The following RAB40C variants were observed in gnomAD, a reference collection of about 807,000 sequenced individuals.
RAB40C encodes RAB40C, member RAS oncogene family.
A neutral mutation model predicts 28.1 loss-of-function variants in RAB40C; 8 were observed. The observed-to-expected ratio is 0.28, with a 90% CI of 0.17 to 0.51. The LOEUF is 0.51. Among genes scored for constraint, RAB40C ranks in the 20% least tolerant of loss-of-function variants. The pLI is 0.97. For missense variants in RAB40C, 288 were observed against 405.9 expected (o/e 0.71, Z 2.50); for synonymous variants, 201 against 171.7 (o/e 1.17, Z -1.34).
intron 1 of RAB40C, among the ~76,000 whole-genome samples, chr16:599,420 C>G (rs2036202642): frequency 6.6e-6 from 1 of 152,240 alleles, no homozygotes; most frequent in Admixed American, 6.5e-5. Context: ...CCAGCAGGAC[C>G]CACTTCACCA....
At chr16:592,759 G>T (rs1340775843) in intron 1 of RAB40C, among the ~76,000 whole-genome samples, 1 of 152,258 alleles carries the variant, frequency 6.6e-6, no homozygotes, top group African/African-American at 2.4e-5. Flanking sequence ...GGACATGAAG[G>T]CGTGCTTCTG....
At chr16:622,788 G>A (rs1261235554) in intron 3 of RAB40C, among the ~76,000 whole-genome samples, 2 of 152,242 alleles carry the variant, frequency 1.3e-5, no homozygotes, top group Admixed American at 1.3e-4. Context: ...GCAGGCGTGA[G>A]CCACGGCGCC....
At chr16:626,548 C>A (rs528994303) in intron 5 of RAB40C, among the ~76,000 whole-genome samples, 189 of 152,290 alleles carry the variant, frequency 1.2e-3, no homozygotes, top group Non-Finnish European at 1.9e-3. Flanking sequence ...GTGAAGCCCC[C>A]CTCAGGGAGG....
intron 1 of RAB40C, among the ~76,000 whole-genome samples, chr16:609,979 T>C (rs2036449031): frequency 6.6e-6 from 1 of 151,934 alleles, no homozygotes. Flanking sequence ...TAAAAGGTTT[T>C]AGGAAACAGA....
At chr16:593,105 G>A (rs2074694180) in intron 1 of RAB40C, among the ~76,000 whole-genome samples, 1 of 152,196 alleles carries the variant, frequency 6.6e-6, no homozygotes, top group Non-Finnish European at 1.5e-5. Flanking sequence ...AAGCGCCTCT[G>A]GGCTGTGGAA....
chr16:626,266 G>A (rs1056108028), intron 5 of RAB40C, 145 bp downstream of exon 5: 1 of 774,692 alleles, frequency 1.3e-6, no homozygotes, highest in South Asian at 1.7e-5. Context: ...CCGGCGGCAG[G>A]TCAGTGACTT....
intron 1 of RAB40C, among the ~76,000 whole-genome samples, chr16:614,212 C>T (rs1596409866): frequency 6.8e-6 from 1 of 146,338 alleles, no homozygotes; most frequent in African/African-American, 2.6e-5. Flanking sequence ...GAACTGCTAA[C>T]TCTGCCGCAT....
chr16:601,727 G>A (rs937785647), intron 1 of RAB40C, among the ~76,000 whole-genome samples: 26 of 147,666 alleles, frequency 1.8e-4, no homozygotes, highest in African/African-American at 5.0e-4. Context: ...TATAATCCCA[G>A]CTACTTGGGA....
chr16:591,227 G>C (rs1424283060), intron 1 of RAB40C, among the ~76,000 whole-genome samples: 3 of 149,394 alleles, frequency 2.0e-5, no homozygotes, highest in South Asian at 2.1e-4. Flanking sequence ...TCAGGGGAAG[G>C]TGTCATGGGT....
At chr16:617,478 C>T (rs2036611428) in intron 2 of RAB40C, among the ~76,000 whole-genome samples, 1 of 152,256 alleles carries the variant, frequency 6.6e-6, no homozygotes, top group Non-Finnish European at 1.5e-5. Context: ...CGGCTCCCCT[C>T]CTGCCCCGGA....
chr16:608,973 G>C (rs1375711088), intron 1 of RAB40C, among the ~76,000 whole-genome samples: 1 of 152,130 alleles, frequency 6.6e-6, no homozygotes. Flanking sequence ...AAATTAGCCA[G>C]GTGTGGTGGT....
chr16:622,641 A>G (rs943261235), intron 3 of RAB40C, among the ~76,000 whole-genome samples: 1 of 152,076 alleles, frequency 6.6e-6, no homozygotes, highest in Non-Finnish European at 1.5e-5. Flanking sequence ...CCGAGTAGCT[A>G]GAACTAGGTG....
chr16:617,089 G>A, intron 1 of RAB40C, 119 bp from the exon 2 acceptor site: 1 of 1,034,930 alleles, frequency 9.7e-7, no homozygotes, highest in Middle Eastern at 3.1e-4. Flanking sequence ...GAGTGTGGGG[G>A]AGCTGCTTCT....
chr16:626,812 C>T (rs536637728), intron 5 of RAB40C, among the ~76,000 whole-genome samples: 36 of 152,346 alleles, frequency 2.4e-4, no homozygotes, highest in African/African-American at 8.2e-4. Context: ...GTGACGCACA[C>T]CTGTAGTCCC....
Position 590,218 on chromosome 16 carries a change from G to C in RAB40C, c.-74G>C. ...CGCAACGGGCGCAGGTGCGGGGCGC[G>C]GGCTCTCTCACGCCGCGGCCTCACC... is the stretch of plus-strand genomic sequence containing the variant. On this transcript the variant is annotated 5_prime_UTR_variant, in exon 1 of 6. Coordinates refer to ENST00000248139, the MANE Select transcript of RAB40C (RefSeq NM_021168.5). 2 of 1,153,068 alleles carry C rather than the reference G, an allele frequency of 1.7e-6. No individual in the cohort carries two copies. The highest frequency in any genetic ancestry group is 2.2e-6 in the Non-Finnish European group (2 of 923,366). The allele number at this position is 1,153,068 out of a possible 1,614,324, so 71.4% of individuals were successfully genotyped here.
chr16:590,366 G>A lies in RAB40C; in HGVS notation c.75G>A (p.Val25=). 1 of 1,598,516 alleles carries A rather than the reference G, an allele frequency of 6.3e-7. No homozygotes were observed. The highest frequency in any genetic ancestry group is 8.5e-7 in the Non-Finnish European group (1 of 1,174,046). Reference sequence around the variant, plus strand: ...TCCTGCTGGTGGGCGACAGCGACGTGGGCAAGGGCGAGATCCTGGAGAGCC... The same window carrying A: ...TCCTGCTGGTGGGCGACAGCGACGTAGGCAAGGGCGAGATCCTGGAGAGCC... ...LKFLLVGDSD[V]GKGEILESLQ... is the part of the protein sequence containing the mutation. Residue 25 remains valine (V), a synonymous_variant, in exon 1 of 6, where the codon GTG becomes GTA. Coordinates refer to ENST00000248139, the MANE Select transcript of RAB40C (RefSeq NM_021168.5).
At chr16:595,842 C>A (rs913560259) in intron 1 of RAB40C, among the ~76,000 whole-genome samples, 3 of 152,142 alleles carry the variant, frequency 2.0e-5, no homozygotes, top group Admixed American at 1.3e-4. Context: ...ACCTTGTGAT[C>A]CACCCTCCTC....
chr16:608,296 C>T (rs2036407763), intron 1 of RAB40C, among the ~76,000 whole-genome samples: 1 of 152,194 alleles, frequency 6.6e-6, no homozygotes, highest in Non-Finnish European at 1.5e-5. Flanking sequence ...GGGGGAACCA[C>T]CCCCATGATT....
chr16:604,530 C>T (rs2036321300), intron 1 of RAB40C, among the ~76,000 whole-genome samples: 1 of 151,074 alleles, frequency 6.6e-6, no homozygotes, highest in Admixed American at 6.6e-5. Context: ...GTGAGTCTTT[C>T]TGAAGGTGTT....
Sources: gnomAD v4.1 joint callset for allele counts (sites outside exome capture counted in the v4.1 genomes callset) on GRCh38, gnomAD v4.1.1 for gene constraint, MANE v1.5 for transcripts, NCBI Gene and HGNC (gene_info 2026-07-23, HGNC 2026-07-21) for gene names.